Variants in HMCN2 observed in about 807,000 individuals in gnomAD.
HMCN2 encodes the protein hemicentin 2, also known as hemicentin-2.
HMCN2 carries 325 observed loss-of-function variants against 377.5 expected under a neutral mutation model. That is an observed-to-expected ratio of 0.86 (90% CI 0.79 to 0.94). The LOEUF (loss-of-function observed/expected upper bound fraction) is 0.94. Ranked by LOEUF, HMCN2 falls within the 40% of genes least tolerant of loss-of-function variation. HMCN2 has a pLI of 0.00. For missense variants in HMCN2, 4,543 were observed against 4,725.3 expected, an observed-to-expected ratio of 0.96 and a Z score of 1.13; for synonymous variants, 2,007 against 2,046.8, an observed-to-expected ratio of 0.98 and a Z score of 0.53.
At chr9:130,391,874 G>A (rs945840213) in intron 65 of HMCN2, 61 bp from the exon 66 acceptor site, 3 of 930,886 alleles carry the variant, frequency 3.2e-6, no homozygotes, top group African/African-American at 1.8e-5. Flanking sequence ...ATTTCCCTGG[G>A]AGGAGCCCAC....
chr9:130,303,645 T>C lies in HMCN2; in HGVS notation c.1543+37T>C, dbSNP rs1836656315. The C allele has an allele frequency of 4.5e-6, 1 of 224,364 alleles. No homozygotes were observed. Among genetic ancestry groups the C allele is most frequent in the Non-Finnish European group, 1.0e-5 (1 of 97,342 alleles). The allele number at this position is 224,364 out of a possible 1,614,324, so 13.9% of individuals were successfully genotyped here. A position where few individuals can be genotyped will look rare whatever the true frequency, so the allele number is the denominator to read the frequency against. On this transcript the variant is annotated intron_variant, in intron 10 of 97. Coordinates refer to ENST00000683500, the MANE Select transcript of HMCN2 (RefSeq NM_001291815.2). The surrounding 1 kb of genome is among the most constrained non-coding windows in gnomAD (Gnocchi z 5.2). ...GGGGCCCCTCCATGTACCCCTTCCT[T>C]ACCCTCTTCTTGGGTTCTTACCCCT...
In HMCN2 at chr9:130,407,719, C is replaced by A; in HGVS notation, c.12688+14C>A. ...TCCACGTGAAGGGTAGGGCACATTC[C>A]CCAGGTGGCTTCTCTCTCAAGACCT... On this transcript the variant is annotated intron_variant, in intron 83 of 97. Coordinates refer to ENST00000683500, the MANE Select transcript of HMCN2 (RefSeq NM_001291815.2). 1.7e-6 allele frequency: 2 copies of A among 1,195,856 alleles called. No individual in the cohort carries two copies. Among genetic ancestry groups the A allele is most frequent in the Non-Finnish European group, 1.1e-6 (1 of 941,114 alleles). 74.1% of individuals were successfully genotyped at this position (1,195,856 alleles called of 1,614,324 possible).
intron 22 of HMCN2, among the ~76,000 whole-genome samples, chr9:130,328,723 T>G (rs1838274148): frequency 6.6e-6 from 1 of 152,222 alleles, no homozygotes; most frequent in South Asian, 2.1e-4. Context: ...TGCTCCCTTC[T>G]TAGTCATGCA....
intron 85 of HMCN2, among the ~76,000 whole-genome samples, chr9:130,418,002 G>A (rs1231521392): frequency 6.6e-6 from 1 of 152,186 alleles, no homozygotes; most frequent in East Asian, 1.9e-4. Context: ...CCATATTTCA[G>A]ATGGGAACAC....
At chr9:130,336,421 G>C (rs996801947) in intron 22 of HMCN2, among the ~76,000 whole-genome samples, 1 of 152,194 alleles carries the variant, frequency 6.6e-6, no homozygotes, top group South Asian at 2.1e-4. Context: ...TCCAGACGCC[G>C]TGTTATGAAT....
chr9:130,304,960 GC>G lies in HMCN2; in HGVS notation c.1776del (p.Asn593MetfsTer33). On this transcript the variant is annotated frameshift_variant, in exon 11 of 98. Transcript: ENST00000683500. LOFTEE classifies it high-confidence loss of function. This position sits in a 1 kb window ranked among gnomAD's most constrained non-coding sequence, Gnocchi z 4.3. ...GAGGTACCAGTGTGTGGCCAGCAATGCCAATGGGGTCACAAGGGCATCCGTC... is the reference window on the plus strand; with the variant it reads ...GAGGTACCAGTGTGTGGCCAGCAATGCAATGGGGTCACAAGGGCATCCGTC... Reference protein sequence around the residue: ...GGRYQCVASNANGVTRASVWL... With the variant: ...GGRYQCVASNXNGVTRASVWL... The G allele has an allele frequency of 4.2e-6, 2 of 471,132 alleles. No individual in the cohort carries two copies. The highest frequency in any genetic ancestry group is 8.8e-6 in the Non-Finnish European group (2 of 227,054). 29.2% of individuals were successfully genotyped at this position (471,132 alleles called of 1,614,324 possible).
At chr9:130,432,394 T>A in intron 96 of HMCN2, 35 bp from the exon 97 acceptor site, 1 of 1,550,352 alleles carries the variant, frequency 6.5e-7, no homozygotes, top group Non-Finnish European at 8.7e-7. Context: ...CATCTTTTCA[T>A]CTCCCTCCCC....
intron 53 of HMCN2, among the ~76,000 whole-genome samples, chr9:130,378,561 G>A (rs111934100): frequency 0.09 from 12,516 of 139,124 alleles, 844 homozygotes; most frequent in Non-Finnish European, 0.13. Context: ...GGCTGGGAGC[G>A]GGAGGCTGGG....
At chr9:130,307,173 G>T (rs1398807011) in intron 13 of HMCN2, among the ~76,000 whole-genome samples, 1 of 152,140 alleles carries the variant, frequency 6.6e-6, no homozygotes, top group Non-Finnish European at 1.5e-5. Context: ...CTCCTGGTGC[G>T]AGGGAGGGAC....
At chr9:130,365,536 C>A in intron 41 of HMCN2, 95 bp from the exon 42 acceptor site, 2 of 541,154 alleles carry the variant, frequency 3.7e-6, no homozygotes, top group Non-Finnish European at 4.7e-6. Flanking sequence ...GGGGGCTCAG[C>A]AAGGTCACGT....
In HMCN2 at chr9:130,360,408, A is replaced by T. The variant is rs1164227395; in HGVS notation, c.5774-20A>T. 3 of 1,227,784 alleles carry T rather than the reference A, an allele frequency of 2.4e-6. No individual in the cohort carries two copies. Among genetic ancestry groups the T allele is most frequent in the South Asian group, 1.4e-5 (1 of 73,462 alleles). The allele number at this position is 1,227,784 out of a possible 1,614,324, so 76.1% of individuals were successfully genotyped here. ...GCTTCTCTCTTCCTTTCCCCCTTGC[A>T]TCTCTCTTCCTTTCCCCAGATGTCT... On this transcript the variant is annotated intron_variant, in intron 37 of 97. Coordinates refer to ENST00000683500, the MANE Select transcript of HMCN2 (RefSeq NM_001291815.2). This position sits in a 1 kb window ranked among gnomAD's most constrained non-coding sequence, Gnocchi z 4.7.
rs1045536059 is a variant in HMCN2 at position 130,376,545 on chromosome 9, T to C, written c.7948T>C (p.Leu2650=). ...CCCTTCCATCTCCAAAGACGACCCC[T>C]TGGCGGAGGTCGGCGTGAAGGAGGT... ...IPPSISKDDP[L]AEVGVKEVKT... The change falls in exon 52 of 98, where the codon TTG becomes CTG. Residue 2650 remains leucine (L), a synonymous_variant. Transcript: ENST00000683500. 35 of 985,646 alleles carry C rather than the reference T, an allele frequency of 3.6e-5. No individual in the cohort carries two copies. Among genetic ancestry groups the C allele is most frequent in the Admixed American group, 1.2e-4 (2 of 16,258 alleles). The allele number at this position is 985,646 out of a possible 1,614,324, so 61.1% of individuals were successfully genotyped here. A position where few individuals can be genotyped will look rare whatever the true frequency, so the allele number is the denominator to read the frequency against.
intron 1 of HMCN2, among the ~76,000 whole-genome samples, chr9:130,282,201 C>T (rs950904401): frequency 2.0e-5 from 3 of 152,242 alleles, no homozygotes; most frequent in Non-Finnish European, 2.9e-5. Context: ...AGGGCACGCT[C>T]ACGTTAGCAG....
chr9:130,334,722 T>TCCCTTTC (rs1167871701), intron 22 of HMCN2, among the ~76,000 whole-genome samples: 1 of 138,438 alleles, frequency 7.2e-6, no homozygotes, highest in Non-Finnish European at 1.6e-5. Context: ...TCTCTCTCTC[T>TCCCTTTC]TCTCTCTTTC....
chr9:130,391,497 C>G lies in HMCN2; in HGVS notation c.9875C>G (p.Ser3292Trp). ...CTGGTGCTAAAAGGCCTGAGGGCCTCGGACGCGGGTGCCTACACCTGCGTG... is the reference window on the plus strand; with the variant it reads ...CTGGTGCTAAAAGGCCTGAGGGCCTGGGACGCGGGTGCCTACACCTGCGTG... ...GSLVLKGLRA[S>W]DAGAYTCVAH... The change falls in exon 65 of 98, where the codon TCG (serine) becomes TGG (tryptophan). Residue 3292 changes from serine to tryptophan, a missense_variant. Around this residue, in one of 5 missense-constraint regions of HMCN2, gnomAD observed 1,073 missense variants for 1,319.5 expected, o/e 0.81. Transcript: ENST00000683500. 1 of 987,840 alleles carries G rather than the reference C, an allele frequency of 1.0e-6. No individual in the cohort carries two copies. The highest frequency in any genetic ancestry group is 1.2e-6 in the Non-Finnish European group (1 of 830,146). The allele number at this position is 987,840 out of a possible 1,614,324, so 61.2% of individuals were successfully genotyped here.
intron 22 of HMCN2, among the ~76,000 whole-genome samples, chr9:130,333,089 A>G (rs1217810060): frequency 2.0e-5 from 3 of 152,158 alleles, no homozygotes; most frequent in Non-Finnish European, 2.9e-5. Flanking sequence ...TGTGGCATGG[A>G]CAGGGAACAG....
At chr9:130,395,394 G>A (rs1339728527) in intron 71 of HMCN2, 47 bp downstream of exon 71, 2 of 1,255,196 alleles carry the variant, frequency 1.6e-6, no homozygotes, top group African/African-American at 3.1e-5. Context: ...GTCCCGCTCA[G>A]GCCTCAGACC....
Position 130,363,174 on chromosome 9 carries a change from A to G in HMCN2, c.6232+184A>G, listed in dbSNP as rs1369358107. Among the ~76,000 whole-genome samples, 20 of 138,424 alleles carry G rather than the reference A, an allele frequency of 1.4e-4. 1 individual carries two copies. Among genetic ancestry groups the G allele is most frequent in the Non-Finnish European group, 2.8e-4 (18 of 63,374 alleles). The allele number at this position is 138,424 out of a possible 152,430, so 90.8% of individuals were successfully genotyped here. A position where few individuals can be genotyped will look rare whatever the true frequency, so the allele number is the denominator to read the frequency against. ...CCTGCCCTAGAGTATGAGCTCCCGC[A>G]ATGGGTGGGAGGGTGGGCAGGTGGC... is the stretch of plus-strand genomic sequence containing the variant. On this transcript the variant is annotated intron_variant, in intron 40 of 97. Transcript: ENST00000683500.
At chr9:130,386,631 T>C (rs142854323) in intron 61 of HMCN2, 107 bp downstream of exon 61, 188 of 555,942 alleles carry the variant, frequency 3.4e-4, no homozygotes, top group African/African-American at 3.3e-3. Flanking sequence ...TGCTGCCAAG[T>C]GCTGAAGGCA....
Sources: allele counts gnomAD v4.1 joint callset (sites outside exome capture counted in the v4.1 genomes callset), GRCh38; gene constraint gnomAD v4.1.1; regional missense constraint gnomAD v4.1.1; non-coding constraint Gnocchi (gnomAD v3.1); transcripts MANE v1.5; gene names NCBI Gene and HGNC (gene_info 2026-07-23, HGNC 2026-07-21).